CDKL5: variants seen among roughly 807,000 people sequenced by gnomAD.
CDKL5 encodes cyclin-dependent kinase-like 5.
Under a neutral mutation model 61.7 loss-of-function variants are expected in CDKL5, and 8 were observed. That is an observed-to-expected ratio of 0.13 (90% CI 0.08 to 0.23). CDKL5 has a LOEUF of 0.23. Among genes scored for constraint, CDKL5 ranks in the 10% least tolerant of loss-of-function variants. The pLI is 1.00. For synonymous variants in CDKL5, 275 were observed against 272.3 expected (o/e 1.01, Z -0.10); for missense variants, 440 against 734.5 (o/e 0.60, Z 4.63).
intron 1 of CDKL5, among the ~76,000 whole-genome samples, chrX:18,458,824 A>G (rs1932210052): frequency 8.9e-6 from 1 of 112,938 alleles, no homozygotes; most frequent in Admixed American, 9.4e-5. Context: ...TGTATTAGAC[A>G]GTGCAGATAT....
At chrX:18,557,496 T>C (rs1370269702) in intron 3 of CDKL5, among the ~76,000 whole-genome samples, 4 of 111,700 alleles carry the variant, frequency 3.6e-5, no homozygotes, top group South Asian at 3.8e-4. Flanking sequence ...ATAACTGTTA[T>C]AACCTTTTGA....
At chrX:18,554,250 G>A (rs892691227) in intron 3 of CDKL5, among the ~76,000 whole-genome samples, 12 of 104,293 alleles carry the variant, frequency 1.2e-4, no homozygotes, top group Admixed American at 7.3e-4. Flanking sequence ...GGTGTGTGAT[G>A]TTCCCCTCCC....
intron 1 of CDKL5, among the ~76,000 whole-genome samples, chrX:18,477,743 T>C (rs1921372987): frequency 8.9e-6 from 1 of 112,044 alleles, no homozygotes; most frequent in Non-Finnish European, 1.9e-5. Context: ...CTCTTCCTTT[T>C]TGTGATGTTA....
chrX:18,595,688 T>C (rs940402124), intron 10 of CDKL5, among the ~76,000 whole-genome samples: 1 of 112,359 alleles, frequency 8.9e-6, no homozygotes, highest in Admixed American at 9.4e-5. Flanking sequence ...AAAAATCTGT[T>C]AGCATGCAAG....
intron 1 of CDKL5, among the ~76,000 whole-genome samples, chrX:18,475,034 G>A (rs1263287394): frequency 9.6e-6 from 1 of 103,934 alleles, no homozygotes; most frequent in Non-Finnish European, 2.0e-5. Context: ...TCAGCTCACT[G>A]CAACCGCTAC....
chrX:18,467,138 C>T (rs887207849), intron 1 of CDKL5, among the ~76,000 whole-genome samples: 1 of 110,818 alleles, frequency 9.0e-6, no homozygotes, highest in Non-Finnish European at 1.9e-5. Flanking sequence ...AAGCATACCC[C>T]GAGAATGACC....
chrX:18,500,273 A>G (rs1309672840), intron 1 of CDKL5, among the ~76,000 whole-genome samples: 1 of 111,659 alleles, frequency 9.0e-6, no homozygotes, highest in Non-Finnish European at 1.9e-5. Context: ...CATTTCAAGC[A>G]TTTATCATTT....
In CDKL5 at chrX:18,553,465, CGTGTGTGT is replaced by C. The variant is rs201802099; in HGVS notation, c.100-10981_100-10974del. On this transcript the variant is annotated intron_variant, in intron 3 of 17. Transcript: ENST00000623535. ...GCTTGAAGGCAGTTGTGTGTGTGTG[CGTGTGTGT>C]GTGTGTGTGTGTGTGTGTGTGTGTG... is the stretch of plus-strand genomic sequence containing the variant. Among the ~76,000 whole-genome samples the C allele has an allele frequency of 1.7e-3, 150 of 90,826 alleles. 1 individual carries two copies. The highest frequency in any genetic ancestry group is 5.5e-3 in the African/African-American group (137 of 24,979). 78.9% of individuals were successfully genotyped at this position (90,826 alleles called of 115,157 possible). A position where few individuals can be genotyped will look rare whatever the true frequency, so the allele number is the denominator to read the frequency against.
intron 15 of CDKL5, among the ~76,000 whole-genome samples, chrX:18,615,434 T>C (rs1926687154): frequency 8.9e-6 from 1 of 112,129 alleles, no homozygotes; most frequent in East Asian, 2.8e-4. Flanking sequence ...TGCGAGGGGA[T>C]GGAGACAGGG....
intron 1 of CDKL5, among the ~76,000 whole-genome samples, chrX:18,446,514 A>G (rs1339750585): frequency 1.8e-5 from 2 of 112,207 alleles, no homozygotes; most frequent in African/African-American, 3.2e-5. Flanking sequence ...TAAAAAATGG[A>G]TTTGTTTCCC....
chrX:18,562,566 G>A (rs1016378106), intron 3 of CDKL5, among the ~76,000 whole-genome samples: 9 of 111,605 alleles, frequency 8.1e-5, no homozygotes, highest in Non-Finnish European at 1.1e-4. Context: ...TATCCTTTTT[G>A]TACCCTTTGT....
At chrX:18,647,073 C>T (rs778910013) in intron 20 of CDKL5, 26 of 836,923 alleles carry the variant, frequency 3.1e-5, no homozygotes, top group South Asian at 8.6e-5. Flanking sequence ...CGTGCCACCA[C>T]GCCAGTTAAT....
chrX:18,604,374 ACCAAGG>A lies in CDKL5; in HGVS notation c.1455_1460del (p.Ala486_Lys487del), dbSNP rs587783114. 111 of 1,207,561 alleles carry A rather than the reference ACCAAGG, an allele frequency of 9.2e-5. No individual in the cohort carries two copies. Among genetic ancestry groups the A allele is most frequent in the Admixed American group, 2.0e-4 (9 of 45,664 alleles). On this transcript the variant is annotated inframe_deletion, in exon 12 of 18. Coordinates refer to ENST00000623535, the MANE Select transcript of CDKL5 (RefSeq NM_001323289.2). Reference sequence around the variant, plus strand: ...GTCCTCTAGGAGTCCCTCCTACAGGACCAAGGCCAAAAGCCATGGGGCACTGAGTGA... The same window carrying A: ...GTCCTCTAGGAGTCCCTCCTACAGGACCAAAAGCCATGGGGCACTGAGTGA...
intron 21 of CDKL5, among the ~76,000 whole-genome samples, chrX:18,652,498 A>G (rs751442613): frequency 5.0e-4 from 56 of 111,523 alleles, no homozygotes; most frequent in African/African-American, 5.2e-4. Flanking sequence ...GTGAAACCCC[A>G]TCTCTACTAA....
intron 1 of CDKL5, among the ~76,000 whole-genome samples, chrX:18,466,540 G>C (rs1434417709): frequency 9.0e-6 from 1 of 111,226 alleles, no homozygotes; most frequent in African/African-American, 3.3e-5. Context: ...TTTTGAGACA[G>C]GGTCTTGCTT....
At chrX:18,560,580 A>T (rs767867567) in intron 3 of CDKL5, among the ~76,000 whole-genome samples, 36 of 112,166 alleles carry the variant, frequency 3.2e-4, no homozygotes, top group African/African-American at 1.2e-3. Flanking sequence ...CTAGGTGCTG[A>T]TGATGCAATT....
intron 1 of CDKL5, among the ~76,000 whole-genome samples, chrX:18,438,113 T>A (rs1476623435): frequency 8.9e-6 from 1 of 111,757 alleles, no homozygotes; most frequent in Non-Finnish European, 1.9e-5. Flanking sequence ...TTGCCCATGC[T>A]GGAGTGCAGT....
chrX:18,514,884 C>T (rs1387430281), intron 3 of CDKL5, among the ~76,000 whole-genome samples: 1 of 110,271 alleles, frequency 9.1e-6, no homozygotes, highest in Non-Finnish European at 1.9e-5. Flanking sequence ...CTGCAGCCTC[C>T]ACCTCATGGG....
chrX:18,588,939 AAAC>A (rs1393084380), intron 9 of CDKL5: 5 of 109,613 alleles, frequency 4.6e-5, no homozygotes, highest in South Asian at 7.9e-4. Context: ...AACAAAAAAA[AAAC>A]AACAACTAGT....
Sources: allele counts gnomAD v4.1 joint callset (sites outside exome capture counted in the v4.1 genomes callset), GRCh38; gene constraint gnomAD v4.1.1; transcripts MANE v1.5; gene names NCBI Gene and HGNC (gene_info 2026-07-23, HGNC 2026-07-21).